CSMD1: variants seen among roughly 807,000 people sequenced by gnomAD.
CSMD1 encodes the protein CUB and Sushi multiple domains 1.
A neutral mutation model predicts 417.5 loss-of-function variants in CSMD1; 213 were observed. The ratio of observed to expected loss-of-function variants is 0.51; its 90% confidence interval spans 0.46 to 0.57. The LOEUF is 0.57. CSMD1 is among the 20% of genes least tolerant of loss of function. The pLI is 0.00. For synonymous variants in CSMD1, 2,862 were observed against 1,736.8 expected (o/e 1.65, Z -16.11); for missense variants, 6,923 against 4,529.7 (o/e 1.53, Z -15.17).
At chr8:4,260,367 G>C (rs1437989127) in intron 3 of CSMD1, among the ~76,000 whole-genome samples, 2 of 152,034 alleles carry the variant, frequency 1.3e-5, no homozygotes, top group Non-Finnish European at 2.9e-5. Context: ...TGATTTGTAG[G>C]AGTTATTTGT....
rs1357203777 is a variant in CSMD1 at position 4,932,981 on chromosome 8, T to C, written c.85+61351A>G. Among the ~76,000 whole-genome samples, 3 of 152,166 alleles carry C rather than the reference T, an allele frequency of 2.0e-5. No homozygotes were observed. In the East Asian group the frequency reaches 5.8e-4, roughly 29 times the overall value. On this transcript the variant is annotated intron_variant, in intron 1 of 69. Coordinates refer to ENST00000635120, the MANE Select transcript of CSMD1 (RefSeq NM_033225.6). ...CAAAATGCAGGAATTGAAGATGGGATTATAAAAGAAACTTACAATAAACAT... is the reference window on the plus strand; with the variant it reads ...CAAAATGCAGGAATTGAAGATGGGACTATAAAAGAAACTTACAATAAACAT...
At chr8:3,178,797 G>A (rs1821103179) in intron 37 of CSMD1, among the ~76,000 whole-genome samples, 1 of 151,904 alleles carries the variant, frequency 6.6e-6, no homozygotes, top group Non-Finnish European at 1.5e-5. Context: ...TTTGTAGATT[G>A]GCAGTCCATA....
At chr8:3,618,416 T>C (rs1028945129) in intron 7 of CSMD1, among the ~76,000 whole-genome samples, 9 of 152,354 alleles carry the variant, frequency 5.9e-5, no homozygotes, top group Middle Eastern at 3.4e-3. Flanking sequence ...AGTACTTCAC[T>C]ATTCCAAACG....
chr8:4,462,924 G>C lies in CSMD1; in HGVS notation c.303-42859C>G, dbSNP rs533011799. 4.6e-5 allele frequency among the ~76,000 whole-genome samples: 7 copies of C among 152,178 alleles called. No homozygotes were observed. In the South Asian group the frequency reaches 8.3e-4, roughly 18 times the overall value. ...TGTTAAGCAAAGTCTTCTTAGATAT[G>C]ACATCAAAAGCACAAGAAAAGAATT... On this transcript the variant is annotated intron_variant, in intron 2 of 69. Transcript: ENST00000635120.
chr8:4,255,799 G>C (rs966502138), intron 3 of CSMD1, among the ~76,000 whole-genome samples: 1 of 152,120 alleles, frequency 6.6e-6, no homozygotes, highest in Non-Finnish European at 1.5e-5. Context: ...TCCATTCCAT[G>C]GCCTCCTCTG....
chr8:3,232,265 A>C (rs1798886908), intron 26 of CSMD1, among the ~76,000 whole-genome samples: 1 of 152,202 alleles, frequency 6.6e-6, no homozygotes, highest in Non-Finnish European at 1.5e-5. Flanking sequence ...CTGAAATCAA[A>C]TGCTTAACTG....
Position 3,088,549 on chromosome 8 carries a change from G to A in CSMD1, c.7286-1264C>T, listed in dbSNP as rs78497307. Among the ~76,000 whole-genome samples, 282 of 152,138 alleles carry A rather than the reference G, an allele frequency of 1.9e-3. 7 individuals carry two copies. The East Asian group carries it at 0.05, about 27-fold the overall frequency. On this transcript the variant is annotated intron_variant, in intron 48 of 69. Transcript: ENST00000635120. ...GCCCAGAAGCAACATCTATGTGTCT[G>A]GCCTCAGTTGTCAACCATGTTCCTA...
At chr8:3,510,736 G>A (rs534454230) in intron 10 of CSMD1, among the ~76,000 whole-genome samples, 1 of 151,846 alleles carries the variant, frequency 6.6e-6, no homozygotes, top group East Asian at 1.9e-4. Context: ...TTGTGGTTTT[G>A]ATTTGCATTT....
intron 1 of CSMD1, among the ~76,000 whole-genome samples, chr8:4,889,775 A>T (rs1401668862): frequency 6.6e-6 from 1 of 152,116 alleles, no homozygotes; most frequent in Non-Finnish European, 1.5e-5. Flanking sequence ...TTCTTCCTAG[A>T]ACACTAATAG....
chr8:4,300,923 C>G (rs148344077), intron 3 of CSMD1, among the ~76,000 whole-genome samples: 2 of 152,120 alleles, frequency 1.3e-5, no homozygotes, highest in Non-Finnish European at 2.9e-5. Flanking sequence ...TTTTCTTAAT[C>G]CAGACTATCG....
chr8:4,126,167 C>G (rs1308342547), intron 3 of CSMD1, among the ~76,000 whole-genome samples: 2 of 152,118 alleles, frequency 1.3e-5, no homozygotes, highest in Admixed American at 6.5e-5. Flanking sequence ...TTCCCAAGCC[C>G]CCACCCACCA....
At chr8:3,854,172 A>G (rs1018666750) in intron 5 of CSMD1, among the ~76,000 whole-genome samples, 1 of 144,250 alleles carries the variant, frequency 6.9e-6, no homozygotes, top group Non-Finnish European at 1.5e-5. Flanking sequence ...AAAAAAAAAA[A>G]CACGTCTTGG....
chr8:3,288,732 G>C (rs1159223612), intron 25 of CSMD1, among the ~76,000 whole-genome samples: 2 of 145,910 alleles, frequency 1.4e-5, no homozygotes, highest in African/African-American at 2.8e-5. Flanking sequence ...CAATTTTGTT[G>C]ATCTTTTCAA....
chr8:3,425,620 GA>G (rs1239510482), intron 12 of CSMD1, among the ~76,000 whole-genome samples: 2 of 149,012 alleles, frequency 1.3e-5, no homozygotes, highest in Non-Finnish European at 1.5e-5. Context: ...AAGAAAAAAG[GA>G]AAAAAAAGGA....
chr8:4,388,816 C>A (rs192234592), intron 3 of CSMD1, among the ~76,000 whole-genome samples: 7 of 152,326 alleles, frequency 4.6e-5, no homozygotes, highest in Admixed American at 2.6e-4. Context: ...GGACCCAGCA[C>A]TGAATAATCC....
At chr8:4,438,234 G>A (rs1384640415) in intron 2 of CSMD1, among the ~76,000 whole-genome samples, 1 of 152,124 alleles carries the variant, frequency 6.6e-6, no homozygotes, top group Non-Finnish European at 1.5e-5. Flanking sequence ...CTCAACCCAA[G>A]CCGTCTTGTT....
chr8:4,371,267 C>G (rs970174119), intron 3 of CSMD1, among the ~76,000 whole-genome samples: 1 of 152,116 alleles, frequency 6.6e-6, no homozygotes, highest in African/African-American at 2.4e-5. Context: ...GGCTTCTAGT[C>G]CCTTGAGGAT....
chr8:3,439,239 G>C (rs1489944712), intron 12 of CSMD1, among the ~76,000 whole-genome samples: 1 of 131,416 alleles, frequency 7.6e-6, no homozygotes, highest in South Asian at 2.5e-4. Flanking sequence ...AGCAATGTTT[G>C]AGTGACTCAA....
chr8:4,051,922 T>TTTTC (rs1211585381), intron 3 of CSMD1, among the ~76,000 whole-genome samples: 2 of 150,644 alleles, frequency 1.3e-5, no homozygotes, highest in African/African-American at 4.9e-5. Context: ...CTTTCTTTCT[T>TTTTC]TTTCTTTCTT....
Sources: gnomAD v4.1 joint callset for allele counts (sites outside exome capture counted in the v4.1 genomes callset) on GRCh38, gnomAD v4.1.1 for gene constraint, MANE v1.5 for transcripts, NCBI Gene and HGNC (gene_info 2026-07-23, HGNC 2026-07-21) for gene names.